Variants in PTPRM observed in about 807,000 individuals in gnomAD.
PTPRM encodes the protein receptor-type tyrosine-protein phosphatase mu.
In PTPRM, 47 loss-of-function variants were observed where a neutral mutation model predicts 186.7. The observed-to-expected ratio is 0.25, with a 90% confidence interval of 0.20 to 0.32. PTPRM has a LOEUF of 0.32. Ranked by LOEUF, PTPRM falls within the 10% of genes least tolerant of loss-of-function variation. The pLI is 1.00. For missense variants in PTPRM, 1,494 were observed against 1,865.0 expected (o/e 0.80, Z 3.66); for synonymous variants, 668 against 674.9 (o/e 0.99, Z 0.16).
chr18:7,609,618 C>A (rs2037623487), intron 1 of PTPRM, among the ~76,000 whole-genome samples: 1 of 151,514 alleles, frequency 6.6e-6, no homozygotes, highest in Non-Finnish European at 1.5e-5. Flanking sequence ...AACTGACAAC[C>A]ATTGCACCCC....
intron 7 of PTPRM, among the ~76,000 whole-genome samples, chr18:8,049,710 G>A (rs1176845359): frequency 6.9e-6 from 1 of 145,978 alleles, no homozygotes; most frequent in Non-Finnish European, 1.5e-5. Context: ...AGTCTGTGAG[G>A]TTTTTTTTTT....
Position 8,406,158 on chromosome 18 carries a change from G to A in PTPRM, c.4394G>A (p.Gly1465Asp), listed in dbSNP as rs549858445. ...GTGGCCCTGGAATACTTGAATTCTG[G>A]CTGATGGTGTAAACAGCTCTGCAAA... ...YEVALEYLNS[G>D] The change falls in exon 33 of 33, where the codon GGC becomes GAC. Residue 1465 changes from glycine (G) to aspartate (D), a missense_variant. Around this residue, in one of 3 missense-constraint regions of PTPRM, gnomAD observed 1,107 missense variants for 1,350.2 expected, o/e 0.82. Transcript: ENST00000580170. 2.5e-5 allele frequency: 41 copies of A among 1,613,994 alleles called. 2 individuals are homozygous for A. In the South Asian group the frequency reaches 4.2e-4, roughly 16 times the overall value.
intron 23 of PTPRM, among the ~76,000 whole-genome samples, chr18:8,355,370 G>A (rs1195601888): frequency 1.3e-5 from 2 of 152,104 alleles, no homozygotes; most frequent in African/African-American, 2.4e-5. Flanking sequence ...GGCAAAGGAG[G>A]GAGGGAAGGT....
intron 13 of PTPRM, among the ~76,000 whole-genome samples, chr18:8,138,773 G>A (rs181988966): frequency 8.9e-4 from 135 of 152,106 alleles, no homozygotes; most frequent in Non-Finnish European, 1.3e-3. Context: ...TTTCCCTCCC[G>A]CATCATCAAC....
chr18:7,930,270 A>T (rs534702899), intron 5 of PTPRM, among the ~76,000 whole-genome samples: 1 of 152,152 alleles, frequency 6.6e-6, no homozygotes, highest in East Asian at 1.9e-4. Flanking sequence ...GGTTTTCACC[A>T]TGTTGCCTAG....
intron 22 of PTPRM, among the ~76,000 whole-genome samples, chr18:8,342,781 T>C (rs1034604462): frequency 5.9e-5 from 9 of 152,184 alleles, no homozygotes; most frequent in African/African-American, 2.2e-4. Flanking sequence ...TATATATTTT[T>C]CCAGCCATAG....
chr18:7,868,827 C>T (rs935230747), intron 2 of PTPRM, among the ~76,000 whole-genome samples: 4 of 152,202 alleles, frequency 2.6e-5, no homozygotes, highest in Admixed American at 6.5e-5. Context: ...TGCTCTGTCC[C>T]AGGGAGATGG....
intron 2 of PTPRM, among the ~76,000 whole-genome samples, chr18:7,774,980 T>G (rs1033032076): frequency 1.3e-5 from 2 of 152,194 alleles, no homozygotes; most frequent in Non-Finnish European, 2.9e-5. Flanking sequence ...GTGATAAGTT[T>G]GCTCCACTCA....
intron 1 of PTPRM, among the ~76,000 whole-genome samples, chr18:7,679,023 C>G (rs893322919): frequency 1.3e-5 from 2 of 152,202 alleles, no homozygotes; most frequent in African/African-American, 2.4e-5. Context: ...CGTGCCCTTT[C>G]CTCACATCTT....
At chr18:7,756,837 G>A (rs1024605504) in intron 1 of PTPRM, among the ~76,000 whole-genome samples, 2 of 152,110 alleles carry the variant, frequency 1.3e-5, no homozygotes, top group Non-Finnish European at 2.9e-5. Context: ...GGGGGACAAC[G>A]TTTTTGCCCT....
chr18:8,183,863 G>A (rs185091358), intron 14 of PTPRM, among the ~76,000 whole-genome samples: 176 of 152,274 alleles, frequency 1.2e-3, no homozygotes, highest in African/African-American at 3.9e-3. Context: ...CCTGCCACTT[G>A]GGCCCCAGGC....
At chr18:7,688,751 C>G (rs1007940992) in intron 1 of PTPRM, among the ~76,000 whole-genome samples, 2 of 152,138 alleles carry the variant, frequency 1.3e-5, no homozygotes, top group Non-Finnish European at 2.9e-5. Flanking sequence ...ACATCCAGCA[C>G]GGTTGGTTGT....
intron 20 of PTPRM, among the ~76,000 whole-genome samples, chr18:8,297,694 AT>A (rs1441796402): frequency 2.6e-5 from 4 of 152,204 alleles, no homozygotes; most frequent in Non-Finnish European, 4.4e-5. Flanking sequence ...GGCAGCACAG[AT>A]TTCAGTGTGT....
chr18:7,596,354 A>T (rs1481042671), intron 1 of PTPRM, among the ~76,000 whole-genome samples: 1 of 152,122 alleles, frequency 6.6e-6, no homozygotes, highest in Non-Finnish European at 1.5e-5. Context: ...CAACTTATGA[A>T]TCGTTTACTT....
chr18:7,583,680 T>A (rs1025080343), intron 1 of PTPRM, among the ~76,000 whole-genome samples: 1 of 152,240 alleles, frequency 6.6e-6, no homozygotes, highest in African/African-American at 2.4e-5. Context: ...TACTTATATT[T>A]TTCATGAGCA....
intron 11 of PTPRM, among the ~76,000 whole-genome samples, chr18:8,112,276 C>G (rs2091788932): frequency 6.6e-6 from 1 of 152,176 alleles, no homozygotes; most frequent in African/African-American, 2.4e-5. Context: ...CATTTTGTTT[C>G]TGTAATAGAA....
chr18:7,590,881 C>CTTG (rs1262737359), intron 1 of PTPRM, among the ~76,000 whole-genome samples: 5 of 152,282 alleles, frequency 3.3e-5, no homozygotes, highest in Non-Finnish European at 7.4e-5. Context: ...ATCTACCAGG[C>CTTG]TTTCTTGAAC....
chr18:8,065,897 G>A (rs2089032980), intron 7 of PTPRM, among the ~76,000 whole-genome samples: 1 of 152,168 alleles, frequency 6.6e-6, no homozygotes, highest in East Asian at 1.9e-4. Context: ...TGGTTATGAA[G>A]TTGCCATTTG....
intron 23 of PTPRM, among the ~76,000 whole-genome samples, chr18:8,350,233 C>T (rs2095527358): frequency 6.6e-6 from 1 of 152,182 alleles, no homozygotes; most frequent in Non-Finnish European, 1.5e-5. Flanking sequence ...GTCTTTGTGT[C>T]CCATAGCTGA....
Sources: gnomAD v4.1 joint callset for allele counts (sites outside exome capture counted in the v4.1 genomes callset) on GRCh38, gnomAD v4.1.1 for gene constraint, gnomAD v4.1.1 regional missense constraint, MANE v1.5 for transcripts, NCBI Gene and HGNC (gene_info 2026-07-23, HGNC 2026-07-21) for gene names.